ADK: variants seen among roughly 807,000 people sequenced by gnomAD.
ADK encodes the protein adenosine kinase.
A neutral mutation model predicts 44.7 loss-of-function variants in ADK; 24 were observed. The ratio of observed to expected loss-of-function variants is 0.54; its 90% CI spans 0.39 to 0.76. The LOEUF is 0.76. ADK is among the 30% of genes least tolerant of loss of function. The pLI, the probability that ADK is intolerant of heterozygous loss-of-function variation, is 0.00. For missense variants in ADK, 321 were observed against 425.1 expected, an observed-to-expected ratio of 0.76 and a Z score of 2.15; for synonymous variants, 128 against 142.6, an observed-to-expected ratio of 0.90 and a Z score of 0.73.
chr10:74,222,291 CAAATCA>C, intron 2 of ADK, among the ~76,000 whole-genome samples: 1 of 152,066 alleles, frequency 6.6e-6, no homozygotes, highest in Non-Finnish European at 1.5e-5. Flanking sequence ...CAGAGAAATG[CAAATCA>C]AAACCACAGT....
intron 7 of ADK, among the ~76,000 whole-genome samples, chr10:74,529,702 A>T (rs983957130): frequency 6.6e-6 from 1 of 152,124 alleles, no homozygotes; most frequent in Admixed American, 6.5e-5. Flanking sequence ...CTCTTTTGGT[A>T]TGATTATTGT....
Position 74,601,464 on chromosome 10 carries a change from T to C in ADK, c.877+971T>C, listed in dbSNP as rs558966043. Among the ~76,000 whole-genome samples, 5 of 152,228 alleles carry C rather than the reference T, an allele frequency of 3.3e-5. No homozygotes were observed. In the East Asian group the frequency reaches 9.7e-4, roughly 29 times the overall value. On this transcript the variant is annotated intron_variant, in intron 9 of 10. Coordinates refer to ENST00000539909, the MANE Select transcript of ADK (RefSeq NM_006721.4). Reference sequence around the variant, plus strand: ...ATACATAGATATATATAGATCAACTTTCTTATTTCAGAATGGTCAAAAGCA... The same window carrying C: ...ATACATAGATATATATAGATCAACTCTCTTATTTCAGAATGGTCAAAAGCA...
rs549735118 is a variant in ADK at position 74,368,288 on chromosome 10, T to A, written c.274-25853T>A. ...GTCACCATGCCTGGTAATTTTTGTA[T>A]TTTTTGTAGAGACAGGGTTTTTCTT... is the stretch of plus-strand genomic sequence containing the variant. On this transcript the variant is annotated intron_variant, in intron 4 of 10. Coordinates refer to ENST00000539909, the MANE Select transcript of ADK (RefSeq NM_006721.4). Among the ~76,000 whole-genome samples the A allele has an allele frequency of 3.3e-5, 5 of 152,238 alleles. No individual in the cohort carries two copies. The East Asian group carries it at 9.7e-4, about 29-fold the overall frequency.
intron 7 of ADK, among the ~76,000 whole-genome samples, chr10:74,575,143 G>C (rs1441708397): frequency 6.6e-6 from 1 of 152,246 alleles, no homozygotes; most frequent in East Asian, 1.9e-4. Flanking sequence ...TTATTTGAGG[G>C]CTTCTCTTTT....
chr10:74,423,237 T>C (rs979109064), intron 6 of ADK, among the ~76,000 whole-genome samples: 2 of 152,148 alleles, frequency 1.3e-5, no homozygotes, highest in Non-Finnish European at 2.9e-5. Context: ...AAAATTGAAT[T>C]AGTATTTGTA....
intron 7 of ADK, among the ~76,000 whole-genome samples, chr10:74,534,286 T>C (rs1404185110): frequency 6.6e-6 from 1 of 152,248 alleles, no homozygotes; most frequent in African/African-American, 2.4e-5. Context: ...TCAGTAAAGC[T>C]ATTAAAATGA....
At chr10:74,232,152 A>T (rs957380307) in intron 3 of ADK, among the ~76,000 whole-genome samples, 1 of 152,178 alleles carries the variant, frequency 6.6e-6, no homozygotes, top group Non-Finnish European at 1.5e-5. Context: ...CTAGGATCTC[A>T]TAACTTCTAT....
At chr10:74,273,263 T>A (rs1392600423) in intron 3 of ADK, among the ~76,000 whole-genome samples, 1 of 152,078 alleles carries the variant, frequency 6.6e-6, no homozygotes, top group African/African-American at 2.4e-5. Context: ...TCACATCCTT[T>A]CCAGGGCAGC....
chr10:74,349,769 A>C (rs1841903257), intron 4 of ADK, among the ~76,000 whole-genome samples: 1 of 152,198 alleles, frequency 6.6e-6, no homozygotes, highest in South Asian at 2.1e-4. Flanking sequence ...TTGCACTTCT[A>C]GTCTCTGATA....
At chr10:74,512,941 G>GT (rs1848404073) in intron 6 of ADK, among the ~76,000 whole-genome samples, 1 of 151,696 alleles carries the variant, frequency 6.6e-6, no homozygotes, top group Non-Finnish European at 1.5e-5. Flanking sequence ...TGTCCCATAG[G>GT]TTTTGGTATG....
chr10:74,208,279 A>G (rs1828975339), intron 2 of ADK, among the ~76,000 whole-genome samples: 1 of 152,208 alleles, frequency 6.6e-6, no homozygotes, highest in Non-Finnish European at 1.5e-5. Flanking sequence ...CCAACTTGGA[A>G]GTGGGTGTGG....
intron 4 of ADK, among the ~76,000 whole-genome samples, chr10:74,319,252 G>C (rs1386774253): frequency 1.3e-5 from 2 of 152,310 alleles, no homozygotes; most frequent in Non-Finnish European, 2.9e-5. Context: ...TGCTAGGGCA[G>C]TCTTAGCAAT....
At chr10:74,419,340 C>CTTA (rs1380303338) in intron 6 of ADK, among the ~76,000 whole-genome samples, 1 of 152,020 alleles carries the variant, frequency 6.6e-6, no homozygotes, top group Non-Finnish European at 1.5e-5. Flanking sequence ...CCAAAAATCC[C>CTTA]TTATTTAAAT....
chr10:74,344,059 T>G (rs1841677011), intron 4 of ADK, among the ~76,000 whole-genome samples: 2 of 152,242 alleles, frequency 1.3e-5, no homozygotes, highest in African/African-American at 4.8e-5. Flanking sequence ...ATATAATTTT[T>G]AAATGTTGCT....
At chr10:74,627,122 C>CAT (rs930929156) in intron 9 of ADK, among the ~76,000 whole-genome samples, 3 of 151,788 alleles carry the variant, frequency 2.0e-5, no homozygotes, top group African/African-American at 2.4e-5. Flanking sequence ...GCCCTCATAG[C>CAT]ATATATATAT....
intron 4 of ADK, among the ~76,000 whole-genome samples, chr10:74,321,657 G>T (rs943503602): frequency 6.6e-6 from 1 of 151,968 alleles, no homozygotes; most frequent in Admixed American, 6.6e-5. Flanking sequence ...AATTAGATAA[G>T]CCTCCATATT....
intron 3 of ADK, among the ~76,000 whole-genome samples, chr10:74,256,269 T>G (rs1023943357): frequency 4.6e-5 from 7 of 152,170 alleles, no homozygotes; most frequent in Non-Finnish European, 1.0e-4. Context: ...CTGAGAAGAT[T>G]AGAGGATTTT....
intron 10 of ADK, among the ~76,000 whole-genome samples, chr10:74,691,398 A>G (rs1855983528): frequency 1.3e-5 from 2 of 152,196 alleles, no homozygotes; most frequent in Admixed American, 1.3e-4. Flanking sequence ...TACTACTCCC[A>G]TATTATCTCT....
chr10:74,603,564 C>T (rs1336001996), intron 9 of ADK, among the ~76,000 whole-genome samples: 1 of 152,144 alleles, frequency 6.6e-6, no homozygotes, highest in Non-Finnish European at 1.5e-5. Flanking sequence ...CAGCTTCATC[C>T]ATGTCCCTGC....
Sources: allele counts gnomAD v4.1 joint callset (sites outside exome capture counted in the v4.1 genomes callset), GRCh38; gene constraint gnomAD v4.1.1; transcripts MANE v1.5; gene names NCBI Gene and HGNC (gene_info 2026-07-23, HGNC 2026-07-21).